The following MYO10 variants were observed in gnomAD, a reference collection of about 807,000 sequenced individuals.
MYO10 encodes the protein unconventional myosin-X.
A neutral mutation model predicts 257.3 loss-of-function variants in MYO10; 133 were observed. That is an observed-to-expected ratio of 0.52 (90% CI 0.45 to 0.60). MYO10 has a LOEUF of 0.60. Ranked by LOEUF, MYO10 falls within the 20% of genes least tolerant of loss-of-function variation. The probability of loss-of-function intolerance (pLI) is 0.00; values close to 1 mark genes in which losing one functional copy is unlikely to be tolerated. For missense variants in MYO10, 2,399 were observed against 2,635.7 expected (o/e 0.91, Z 1.97); for synonymous variants, 1,104 against 1,028.6 (o/e 1.07, Z -1.40).
chr5:16,685,703 A>T, intron 29 of MYO10, 35 bp downstream of exon 29: 6 of 1,266,222 alleles, frequency 4.7e-6, no homozygotes, highest in Non-Finnish European at 4.5e-6. Flanking sequence ...CTGCCCCTAG[A>T]CGCCCCACCC....
At chr5:16,761,281 A>G (rs1429229303) in intron 17 of MYO10, among the ~76,000 whole-genome samples, 183 bp downstream of exon 17, 2 of 152,144 alleles carry the variant, frequency 1.3e-5, no homozygotes, top group South Asian at 4.1e-4. Flanking sequence ...GTGAGCCACC[A>G]TGCCCGACCT....
chr5:16,679,846 C>T (rs1736905530), intron 33 of MYO10, 101 bp downstream of exon 33: 3 of 1,446,038 alleles, frequency 2.1e-6, no homozygotes, highest in South Asian at 2.8e-5. Flanking sequence ...GTTTTGATTA[C>T]AGAAAAAAAA....
chr5:16,700,280 G>A (rs2126546807), intron 25 of MYO10, among the ~76,000 whole-genome samples: 1 of 152,216 alleles, frequency 6.6e-6, no homozygotes, highest in South Asian at 2.1e-4. Flanking sequence ...TTCAGGATGT[G>A]TCTTCATTTC....
intron 2 of MYO10, among the ~76,000 whole-genome samples, chr5:16,850,377 G>A (rs555572852): frequency 2.8e-3 from 432 of 151,768 alleles, no homozygotes; most frequent in Non-Finnish European, 4.6e-3. Flanking sequence ...GGGTTCAAGC[G>A]ATTGATTCTT....
rs1001879952 is a variant in MYO10, at chr5:16,682,434, G to A, written c.4047-421C>T. 2.0e-5 allele frequency among the ~76,000 whole-genome samples: 3 copies of A among 152,170 alleles called. No homozygotes were observed. The East Asian group carries it at 5.8e-4, about 29-fold the overall frequency. On this transcript the variant is annotated intron_variant, in intron 30 of 40. Transcript: ENST00000513610. ...AATAAAAGAGGATCAGTAAATAGGTGTAGGTGGAGCATCTTAAATGCTTGA... is the reference window on the plus strand; with the variant it reads ...AATAAAAGAGGATCAGTAAATAGGTATAGGTGGAGCATCTTAAATGCTTGA...
At chr5:16,918,267 A>G (rs1198755616) in intron 1 of MYO10, among the ~76,000 whole-genome samples, 1 of 152,006 alleles carries the variant, frequency 6.6e-6, no homozygotes, top group South Asian at 2.1e-4. Flanking sequence ...TTCCATCTAC[A>G]AGGCAGATAG....
intron 32 of MYO10, among the ~76,000 whole-genome samples, chr5:16,680,839 A>G (rs1736959606): frequency 6.6e-6 from 1 of 152,138 alleles, no homozygotes; most frequent in African/African-American, 2.4e-5. Flanking sequence ...ACCAAAAAGT[A>G]TAAAAATTAG....
intron 1 of MYO10, among the ~76,000 whole-genome samples, chr5:16,923,692 ACACT>A (rs1402433786): frequency 1.2e-3 from 183 of 151,310 alleles, no homozygotes; most frequent in African/African-American, 3.7e-3. Context: ...ACACACACAC[ACACT>A]CCCTAACATC....
intron 35 of MYO10, 25 bp from the exon 36 acceptor site, chr5:16,673,914 A>AT (rs1313737050): frequency 4.4e-6 from 7 of 1,605,848 alleles, no homozygotes; most frequent in Non-Finnish European, 6.0e-6. Flanking sequence ...CTAACTGTTA[A>AT]TTTTTAGACT....
chr5:16,701,553 C>G lies in MYO10; in HGVS notation c.2842G>C (p.Asp948His), dbSNP rs376668622. 6.2e-7 allele frequency: 1 copy of G among 1,613,806 alleles called. No individual in the cohort carries two copies. Among genetic ancestry groups the G allele is most frequent in the African/African-American group, 1.3e-5 (1 of 74,916 alleles). The change falls in exon 25 of 41, where the codon GAC (aspartate) becomes CAC (histidine). Residue 948 changes from aspartate (D) to histidine (H), a missense_variant. By Grantham distance (81) the Asp-to-His change is moderately conservative (BLOSUM62 -1). Around this residue, in one of 3 missense-constraint regions of MYO10, gnomAD observed 1,820 missense variants for 1,939.4 expected, o/e 0.94. Transcript: ENST00000513610. This position sits in a 1 kb window ranked among gnomAD's most constrained non-coding sequence, Gnocchi z 8.1. ...TTCCGGACACACTCGTCGATCTCGTCGAAATTGAGGGACTCGAGGAACTCC... is the reference window on the plus strand; with the variant it reads ...TTCCGGACACACTCGTCGATCTCGTGGAAATTGAGGGACTCGAGGAACTCC... The part of the protein sequence containing the change: ...AQEFLESLNF[D>H]EIDECVRNIE...
chr5:16,932,752 A>G (rs1457464327), intron 1 of MYO10, among the ~76,000 whole-genome samples: 1 of 151,134 alleles, frequency 6.6e-6, no homozygotes, highest in Non-Finnish European at 1.5e-5. Context: ...GCAGTAAGAC[A>G]CTATCTATCT....
In MYO10 at chr5:16,758,032, TA is replaced by T. The variant is rs1553993025; in HGVS notation, c.1848+85del. On this transcript the variant is annotated intron_variant, in intron 18 of 40. Coordinates refer to ENST00000513610, the MANE Select transcript of MYO10 (RefSeq NM_012334.3). ...AAACAAAAATAAACAAATATTCTCA[TA>T]GACTTCACATACACCCAAATCCTCT... 4.6e-5 allele frequency: 45 copies of T among 986,468 alleles called. 1 individual carries two copies. Among genetic ancestry groups the T allele is most frequent in the Non-Finnish European group, 4.8e-6 (3 of 620,248 alleles). The allele number at this position is 986,468 out of a possible 1,614,324, so 61.1% of individuals were successfully genotyped here.
rs945081614 is a variant in MYO10, at chr5:16,858,985, A to G, written c.120+18624T>C. Among the ~76,000 whole-genome samples the G allele has an allele frequency of 3.9e-5, 6 of 152,130 alleles. No individual in the cohort carries two copies. The East Asian group carries it at 1.2e-3, about 29-fold the overall frequency. On this transcript the variant is annotated intron_variant, in intron 2 of 40. Coordinates refer to ENST00000513610, the MANE Select transcript of MYO10 (RefSeq NM_012334.3). ...GGGAAAAAAAAAATAAGTAACATAC[A>G]CCACTTGGCATAAGCTCTGGTCTCT...
At chr5:16,846,939 G>A (rs1246829301) in intron 2 of MYO10, among the ~76,000 whole-genome samples, 1 of 151,796 alleles carries the variant, frequency 6.6e-6, no homozygotes, top group East Asian at 2.0e-4. Context: ...CCAACATGGT[G>A]AAACCCCATC....
intron 2 of MYO10, among the ~76,000 whole-genome samples, chr5:16,854,497 G>A (rs902610972): frequency 6.6e-6 from 1 of 152,180 alleles, no homozygotes; most frequent in African/African-American, 2.4e-5. Context: ...TCCATAACAG[G>A]CAGAGCTATA....
intron 19 of MYO10, among the ~76,000 whole-genome samples, chr5:16,749,993 G>GAGA (rs1030081479): frequency 4.9e-4 from 74 of 152,284 alleles, no homozygotes; most frequent in African/African-American, 1.7e-3. Context: ...TTCTATCTTA[G>GAGA]AGAAATCTGT....
chr5:16,860,161 G>C (rs935189805), intron 2 of MYO10, among the ~76,000 whole-genome samples: 13 of 152,144 alleles, frequency 8.5e-5, no homozygotes, highest in Non-Finnish European at 1.3e-4. Flanking sequence ...AAAAAGAAAA[G>C]AGGGCAGGGC....
Position 16,766,180 on chromosome 5 carries a change from T to C in MYO10, c.1079A>G (p.Glu360Gly), listed in dbSNP as rs1560973397. 3 of 1,613,398 alleles carry C rather than the reference T, an allele frequency of 1.9e-6. No homozygotes were observed. Among genetic ancestry groups the C allele is most frequent in the Non-Finnish European group, 2.5e-6 (3 of 1,179,556 alleles). Residue 360 changes from glutamate to glycine, a missense_variant, in exon 11 of 41, where the codon GAG becomes GGG. Transcript: ENST00000513610. ...SFKTALGRSA[E>G]LLGLDPTQLT... ...CTGTGTTGGGTCCAGCCCAAGTAAC[T>C]CCGCAGATCTGCCCAAAGCTGCAGA...
intron 1 of MYO10, among the ~76,000 whole-genome samples, chr5:16,884,608 G>C (rs776190897): frequency 1.3e-5 from 2 of 151,880 alleles, no homozygotes; most frequent in African/African-American, 4.8e-5. Context: ...CTGCAGAAAC[G>C]GGTTGTGAGC....
Sources: allele counts gnomAD v4.1 joint callset (sites outside exome capture counted in the v4.1 genomes callset), GRCh38; gene constraint gnomAD v4.1.1; regional missense constraint gnomAD v4.1.1; non-coding constraint Gnocchi (gnomAD v3.1); transcripts MANE v1.5; gene names NCBI Gene and HGNC (gene_info 2026-07-23, HGNC 2026-07-21).